ZNF721: variants seen among roughly 807,000 people sequenced by gnomAD.
ZNF721 encodes the protein zinc finger protein 721.
ZNF721 carries 2 observed loss-of-function variants against 2.4 expected under a neutral mutation model. The ratio of observed to expected loss-of-function variants is 0.82; its 90% CI spans 0.34 to 2.58. The LOEUF is 2.58. ZNF721 is among the 30% of genes most tolerant of loss of function. The pLI, the probability that ZNF721 is intolerant of heterozygous loss-of-function variation, is 0.11. For missense variants in ZNF721, 1,187 were observed against 1,085.5 expected, an observed-to-expected ratio of 1.09 and a Z score of -1.31; for synonymous variants, 398 against 381.8, an observed-to-expected ratio of 1.04 and a Z score of -0.50.
At chr4:463,140 C>T (rs1368879542) in intron 2 of ZNF721, among the ~76,000 whole-genome samples, 5 of 152,162 alleles carry the variant, frequency 3.3e-5, no homozygotes, top group Non-Finnish European at 5.9e-5. Flanking sequence ...ATGTGGCCAA[C>T]AAACATATGA....
chr4:463,169 T>C (rs1715123355), intron 2 of ZNF721, among the ~76,000 whole-genome samples: 1 of 152,230 alleles, frequency 6.6e-6, no homozygotes, highest in African/African-American at 2.4e-5. Context: ...TCATCGTCAC[T>C]GGTCGTTAGA....
chr4:475,578 TA>T (rs2108714970), intron 1 of ZNF721, among the ~76,000 whole-genome samples: 1 of 152,122 alleles, frequency 6.6e-6, no homozygotes, highest in African/African-American at 2.4e-5. Context: ...TCATATGCAC[TA>T]ATTGTCAACA....
intron 2 of ZNF721, among the ~76,000 whole-genome samples, chr4:460,799 T>C (rs1190742153): frequency 6.6e-6 from 1 of 152,094 alleles, no homozygotes; most frequent in Non-Finnish European, 1.5e-5. Flanking sequence ...CAAACTACCA[T>C]CAGAGAATAC....
At chr4:493,113 T>C (rs1161302284) in intron 1 of ZNF721, among the ~76,000 whole-genome samples, 1 of 151,352 alleles carries the variant, frequency 6.6e-6, no homozygotes, top group Admixed American at 6.6e-5. Context: ...TTATGATAAC[T>C]GTGGTAGTCA....
chr4:485,554 T>A (rs1274679382), intron 1 of ZNF721, among the ~76,000 whole-genome samples: 3 of 152,124 alleles, frequency 2.0e-5, no homozygotes, highest in Admixed American at 2.0e-4. Flanking sequence ...GCAAACACTT[T>A]TCACATTAAT....
At chr4:456,276 G>A (rs1714846446) in intron 2 of ZNF721, among the ~76,000 whole-genome samples, 1 of 151,962 alleles carries the variant, frequency 6.6e-6, no homozygotes, top group African/African-American at 2.4e-5. Context: ...CTCCATGTTG[G>A]TCAGGCTGGT....
At chr4:463,651 CAA>C (rs1715142238) in intron 2 of ZNF721, among the ~76,000 whole-genome samples, 1 of 152,056 alleles carries the variant, frequency 6.6e-6, no homozygotes, top group Non-Finnish European at 1.5e-5. Flanking sequence ...CAAACTAACA[CAA>C]AGACAGGAAA....
chr4:483,336 A>G (rs1291857032), intron 1 of ZNF721, among the ~76,000 whole-genome samples: 3 of 152,204 alleles, frequency 2.0e-5, no homozygotes. Flanking sequence ...GGATCACCTG[A>G]GGTCAGTTCA....
intron 1 of ZNF721, among the ~76,000 whole-genome samples, chr4:494,650 A>G (rs1275389920): frequency 6.6e-6 from 1 of 152,190 alleles, no homozygotes; most frequent in African/African-American, 2.4e-5. Context: ...CAAAATTTTC[A>G]TCATAAGGTA....
intron 1 of ZNF721, among the ~76,000 whole-genome samples, chr4:493,623 G>A (rs1312372910): frequency 6.7e-6 from 1 of 150,268 alleles, no homozygotes; most frequent in Non-Finnish European, 1.5e-5. Context: ...AGGTTGCAGT[G>A]AGCCAAGCTC....
intron 2 of ZNF721, among the ~76,000 whole-genome samples, chr4:460,185 T>A (rs1715017427): frequency 6.6e-6 from 1 of 152,126 alleles, no homozygotes; most frequent in East Asian, 1.9e-4. Context: ...GTTGACCACA[T>A]AACTGGAAGT....
chr4:494,698 C>T (rs1560247186), intron 1 of ZNF721, among the ~76,000 whole-genome samples: 3 of 152,046 alleles, frequency 2.0e-5, no homozygotes, highest in Non-Finnish European at 4.4e-5. Context: ...AGGGAGACAG[C>T]TTTATTTTTC....
intron 1 of ZNF721, among the ~76,000 whole-genome samples, chr4:486,112 G>C (rs1443714537): frequency 6.6e-6 from 1 of 151,256 alleles, no homozygotes; most frequent in Non-Finnish European, 1.5e-5. Flanking sequence ...AAGAAGCATT[G>C]ATTCAGGGTG....
chr4:443,761 G>C lies in ZNF721; in HGVS notation c.706C>G (p.Leu236Val), dbSNP rs1002436872. ...CGKAFMHSSH[L>V]NKHEKIHTGE... ...GTATGAATTTTCTCATGTTTATTCAGGTGTGAGGAATGCATAAAGGCTTTC... is the reference window on the plus strand; with the variant it reads ...GTATGAATTTTCTCATGTTTATTCACGTGTGAGGAATGCATAAAGGCTTTC... The change falls in exon 3 of 3, where the codon CTG becomes GTG. Residue 236 changes from leucine (L) to valine (V), a missense_variant. Transcript: ENST00000511833. The C allele has an allele frequency of 1.2e-6, 2 of 1,613,976 alleles. No individual in the cohort carries two copies. The highest frequency in any genetic ancestry group is 1.7e-6 in the Non-Finnish European group (2 of 1,179,982).
intron 2 of ZNF721, 105 bp downstream of exon 2, chr4:472,470 T>G: frequency 1.6e-6 from 2 of 1,279,762 alleles, no homozygotes; most frequent in Non-Finnish European, 2.2e-6. Context: ...GCTGTGTGTG[T>G]GAGACACACA....
At chr4:497,251 A>AC (rs571974237) in intron 1 of ZNF721, among the ~76,000 whole-genome samples, 100 of 151,674 alleles carry the variant, frequency 6.6e-4, no homozygotes, top group African/African-American at 2.2e-3. Context: ...TAAACCTCAG[A>AC]CCCCCCACCG....
chr4:486,080 A>G (rs1715888188), intron 1 of ZNF721, among the ~76,000 whole-genome samples: 2 of 152,092 alleles, frequency 1.3e-5, no homozygotes, highest in Non-Finnish European at 2.9e-5. Flanking sequence ...ACAGCAGGCT[A>G]TTCTAATATG....
chr4:482,026 T>A (rs1306050223), intron 1 of ZNF721, among the ~76,000 whole-genome samples: 2 of 152,226 alleles, frequency 1.3e-5, no homozygotes, highest in African/African-American at 2.4e-5. Flanking sequence ...AACTATGAAA[T>A]TTATGTGCAC....
At position 442,144 on chromosome 4, in the gene ZNF721, G is replaced by T; in HGVS notation, c.2323C>A (p.His775Asn). 6.2e-7 allele frequency: 1 copy of T among 1,613,464 alleles called. No individual in the cohort carries two copies. Among genetic ancestry groups the T allele is most frequent in the Non-Finnish European group, 8.5e-7 (1 of 1,179,604 alleles). Reference sequence around the variant, plus strand: ...CATTTGTAGGGTTTCTTTCCAGTATGAATTTTCTCATGTCTATTCAGGTGT... The same window carrying T: ...CATTTGTAGGGTTTCTTTCCAGTATTAATTTTCTCATGTCTATTCAGGTGT... ...SSHLNRHEKI[H>N]TGKKPYKCKE... The change falls in exon 3 of 3, where the codon CAT becomes AAT. Residue 775 changes from histidine to asparagine, a missense_variant. Transcript: ENST00000511833.
Sources: allele counts gnomAD v4.1 joint callset (sites outside exome capture counted in the v4.1 genomes callset), GRCh38; gene constraint gnomAD v4.1.1; transcripts MANE v1.5; gene names NCBI Gene and HGNC (gene_info 2026-07-23, HGNC 2026-07-21).